The following MRPL10 variants were observed in gnomAD, a reference collection of about 807,000 sequenced individuals.
MRPL10 encodes large ribosomal subunit protein uL10m.
A neutral mutation model predicts 19.8 loss-of-function variants in MRPL10; 14 were observed. The observed-to-expected ratio is 0.71, with a 90% CI of 0.47 to 1.11. The LOEUF is 1.11. Ranked by LOEUF, MRPL10 falls within the 50% of genes least tolerant of loss-of-function variation. The probability of loss-of-function intolerance (pLI) is 0.00; values close to 1 mark genes in which losing one functional copy is unlikely to be tolerated. For missense variants in MRPL10, 318 were observed against 339.6 expected (o/e 0.94, Z 0.50); for synonymous variants, 129 against 139.2 (o/e 0.93, Z 0.52).
At chr17:47,827,788 C>T (rs1339778416) in intron 2 of MRPL10, among the ~76,000 whole-genome samples, 1 of 147,950 alleles carries the variant, frequency 6.8e-6, no homozygotes, top group Non-Finnish European at 1.5e-5. Context: ...ATCCCAGTTA[C>T]TCAGGAGGCT....
In MRPL10 at chr17:47,829,299, A is replaced by AAG. The variant is rs756455770; in HGVS notation, c.53-630_53-629insCT. ...GAAGGAAGGAAGGAAGGAAGGAAAGAGAGAGAGAGAGAGAGAAAGAAAAAG... is the reference window on the plus strand; with the variant it reads ...GAAGGAAGGAAGGAAGGAAGGAAAGAAGGAGAGAGAGAGAGAGAAAGAAAAAG... On this transcript the variant is annotated intron_variant, in intron 1 of 4. Transcript: ENST00000351111. The AAG allele has an allele frequency of 6.7e-5, 9 of 135,206 alleles. No individual in the cohort carries two copies. The South Asian group carries it at 8.3e-4, about 12-fold the overall frequency. 8.4% of individuals were successfully genotyped at this position (135,206 alleles called of 1,614,324 possible). A position where few individuals can be genotyped will look rare whatever the true frequency, so the allele number is the denominator to read the frequency against.
intron 1 of MRPL10, 150 bp downstream of exon 1, chr17:47,831,310 C>G: frequency 6.5e-7 from 1 of 1,530,654 alleles, no homozygotes; most frequent in Non-Finnish European, 8.7e-7. Flanking sequence ...GCTGTGATTA[C>G]CAGTCGAGTC....
intron 1 of MRPL10, chr17:47,831,219 TG>T: frequency 9.7e-7 from 1 of 1,026,612 alleles, no homozygotes; most frequent in Non-Finnish European, 1.4e-6. Context: ...CACATTAAGA[TG>T]GAGACATAAT....
intron 3 of MRPL10, 126 bp downstream of exon 3, chr17:47,826,914 G>C: frequency 6.8e-7 from 1 of 1,463,220 alleles, no homozygotes; most frequent in Non-Finnish European, 9.4e-7. Flanking sequence ...TTAGACACCA[G>C]ATTAGAGGGT....
At chr17:47,826,509 T>C in intron 4 of MRPL10, 128 bp downstream of exon 4, 1 of 1,191,466 alleles carries the variant, frequency 8.4e-7, no homozygotes, top group African/African-American at 1.5e-5. Context: ...AAATGTGCTG[T>C]TTACTCAGGC....
intron 2 of MRPL10, 36 bp downstream of exon 2, chr17:47,828,465 C>A: frequency 7.3e-7 from 1 of 1,371,272 alleles, no homozygotes. Flanking sequence ...TCCACCATCC[C>A]ACCACCAAGT....
chr17:47,824,063 C>T lies in MRPL10; in HGVS notation c.*142G>A. 2 of 1,044,168 alleles carry T rather than the reference C, an allele frequency of 1.9e-6. No homozygotes were observed. Among genetic ancestry groups the T allele is most frequent in the South Asian group, 3.0e-5 (2 of 65,736 alleles). The allele number at this position is 1,044,168 out of a possible 1,614,324, so 64.7% of individuals were successfully genotyped here. On this transcript the variant is annotated 3_prime_UTR_variant, in exon 5 of 5. Transcript: ENST00000351111. ...GAATCCTCTGCATCTCCAAGTGGCC[C>T]TATACCTGACAATATCATTACTAGT...
At position 47,824,209 on chromosome 17, in the gene MRPL10, G is replaced by A. The variant is rs184643271; in HGVS notation, c.782C>T (p.Ser261Leu). 1.2e-5 allele frequency: 19 copies of A among 1,614,184 alleles called. No homozygotes were observed. The highest frequency in any genetic ancestry group is 1.7e-4 in the Middle Eastern group (1 of 6,048). The change falls in exon 5 of 5, where the codon TCG becomes TTG. Residue 261 changes from serine (S) to leucine (L), a missense_variant. By Grantham distance (145) the Ser-to-Leu change is moderately radical (BLOSUM62 -2). Coordinates refer to ENST00000351111, the MANE Select transcript of MRPL10 (RefSeq NM_145255.4). Reference protein sequence around the residue: ...GKPDPDTVPDS With the variant: ...GKPDPDTVPDL ...AGGGCTGGCTAAACAGGCTGGCTAC[G>A]AGTCCGGAACAGTGTCAGGATCTGG...
Position 47,823,780 on chromosome 17 carries a change from T to G in MRPL10, c.*425A>C, listed in dbSNP as rs2033482209. ...CATGTACAGCACTCAGCACAAAGCC[T>G]GGCACACAGCAGGCTCTCACCAGGT... is the stretch of plus-strand genomic sequence containing the variant. On this transcript the variant is annotated 3_prime_UTR_variant, in exon 5 of 5. Coordinates refer to ENST00000351111, the MANE Select transcript of MRPL10 (RefSeq NM_145255.4). 1 of 271,978 alleles carries G rather than the reference T, an allele frequency of 3.7e-6. No homozygotes were observed. The highest frequency in any genetic ancestry group is 5.1e-5 in the Admixed American group (1 of 19,584). The allele number at this position is 271,978 out of a possible 1,614,324, so 16.8% of individuals were successfully genotyped here.
chr17:47,826,848 G>A, intron 3 of MRPL10, 67 bp from the exon 4 acceptor site: 1 of 1,600,330 alleles, frequency 6.2e-7, no homozygotes, highest in Non-Finnish European at 8.5e-7. Context: ...CGTGGGTCAT[G>A]GGCCACATTA....
chr17:47,824,235 C>A lies in MRPL10; in HGVS notation c.756G>T (p.Lys252Asn). The A allele has an allele frequency of 1.3e-5, 21 of 1,614,216 alleles. No homozygotes were observed. Among genetic ancestry groups the A allele is most frequent in the Non-Finnish European group, 1.4e-5 (17 of 1,180,040 alleles). ...AGTCCGGAACAGTGTCAGGATCTGG[C>A]TTCCCATTGGCCGACATGACAGAAT... Reference protein sequence around the residue: ...EKDSVMSANGKPDPDTVPDS With the variant: ...EKDSVMSANGNPDPDTVPDS The change falls in exon 5 of 5, where the codon AAG becomes AAT. Residue 252 changes from lysine (K) to asparagine (N), a missense_variant. Lys to Asn is a moderately conservative substitution (Grantham distance 94, BLOSUM62 0). Transcript: ENST00000351111.
Position 47,828,562 on chromosome 17 carries a change from A to G in MRPL10, c.161T>C (p.Ile54Thr). Residue 54 changes from isoleucine to threonine, a missense_variant, in exon 2 of 5, where the codon ATC (isoleucine) becomes ACC (threonine). By Grantham distance (89) the Ile-to-Thr change is moderately conservative. Transcript: ENST00000351111. The part of the protein sequence containing the change: ...RQKLMAVTEY[I>T]PPKPAIHPSC... The stretch of plus-strand genomic sequence containing the variant: ...TGGGTGGATGGCTGGTTTCGGGGGG[A>G]TATATTCAGTCACAGCCATCAGCTT... 1 of 1,505,192 alleles carries G rather than the reference A, an allele frequency of 6.6e-7. No individual in the cohort carries two copies. Among genetic ancestry groups the G allele is most frequent in the Non-Finnish European group, 8.8e-7 (1 of 1,133,070 alleles). 93.2% of individuals were successfully genotyped at this position (1,505,192 alleles called of 1,614,324 possible). A position where few individuals can be genotyped will look rare whatever the true frequency, so the allele number is the denominator to read the frequency against.
At position 47,826,634 on chromosome 17, in the gene MRPL10, C is replaced by A. The variant is rs769445351; in HGVS notation, c.532+3G>T. On this transcript the variant is annotated splice_donor_region_variant and intron_variant, in intron 4 of 4. Transcript: ENST00000351111. ...CCCCTAACTGGCAGGGGTGCTTGCT[C>A]ACCTAGCAGCGGCAGGAATGGCACA... 1.2e-5 allele frequency: 19 copies of A among 1,613,090 alleles called. No homozygotes were observed. Among genetic ancestry groups the A allele is most frequent in the Non-Finnish European group, 1.6e-5 (19 of 1,179,992 alleles).
intron 1 of MRPL10, among the ~76,000 whole-genome samples, chr17:47,829,905 A>G (rs1223896390): frequency 6.9e-6 from 1 of 144,552 alleles, no homozygotes; most frequent in Non-Finnish European, 1.5e-5. Context: ...AAAAAAAAAA[A>G]AAGAAAGAAA....
chr17:47,824,193 T>G lies in MRPL10; in HGVS notation c.*12A>C, dbSNP rs202052996. The G allele has an allele frequency of 5.6e-6, 9 of 1,614,150 alleles. No individual in the cohort carries two copies. Among genetic ancestry groups the G allele is most frequent in the Non-Finnish European group, 7.6e-6 (9 of 1,180,028 alleles). ...GAGTGTATTTATGCGCAGGGCTGGC[T>G]AAACAGGCTGGCTACGAGTCCGGAA... On this transcript the variant is annotated 3_prime_UTR_variant, in exon 5 of 5. Transcript: ENST00000351111.
intron 4 of MRPL10, among the ~76,000 whole-genome samples, chr17:47,824,881 G>A (rs1475652452): frequency 6.6e-6 from 1 of 151,814 alleles, no homozygotes; most frequent in Non-Finnish European, 1.5e-5. Context: ...AGGCATGGTG[G>A]CGAGCGCCTG....
At chr17:47,827,581 T>C (rs1598037639) in intron 2 of MRPL10, among the ~76,000 whole-genome samples, 1 of 152,136 alleles carries the variant, frequency 6.6e-6, no homozygotes, top group East Asian at 1.9e-4. Context: ...TAAATATAAC[T>C]CTTTTGCAGT....
chr17:47,831,414 G>A, intron 1 of MRPL10, 46 bp downstream of exon 1: 1 of 1,547,420 alleles, frequency 6.5e-7, no homozygotes, highest in Non-Finnish European at 8.7e-7. Context: ...ATGAGGACTA[G>A]AGAGCGGCCG....
chr17:47,824,554 C>G, intron 4 of MRPL10, 96 bp from the exon 5 acceptor site: 2 of 1,419,536 alleles, frequency 1.4e-6, no homozygotes, highest in South Asian at 1.5e-5. Context: ...CATTGCCCTT[C>G]TCAAAATCCT....
Sources: gnomAD v4.1 joint callset for allele counts (sites outside exome capture counted in the v4.1 genomes callset) on GRCh38, gnomAD v4.1.1 for gene constraint, MANE v1.5 for transcripts, NCBI Gene and HGNC (gene_info 2026-07-23, HGNC 2026-07-21) for gene names.